DENND1A: variants seen among roughly 807,000 people sequenced by gnomAD.
The protein encoded by DENND1A is DENN domain containing 1A, also known as DENN domain-containing protein 1A.
DENND1A carries 51 observed loss-of-function variants against 113.7 expected under a neutral mutation model. The observed-to-expected ratio is 0.45, with a 90% CI of 0.36 to 0.57. The LOEUF (loss-of-function observed/expected upper bound fraction) is 0.57, where lower values mean the gene tolerates loss of function less well. Among genes scored for constraint, DENND1A ranks in the 20% least tolerant of loss-of-function variants. The pLI is 0.00. For synonymous variants in DENND1A, 565 were observed against 570.8 expected (o/e 0.99, Z 0.14); for missense variants, 1,258 against 1,395.9 (o/e 0.90, Z 1.57).
intron 12 of DENND1A, among the ~76,000 whole-genome samples, chr9:123,575,698 G>T (rs1356508756): frequency 1.3e-5 from 2 of 152,182 alleles, no homozygotes; most frequent in Non-Finnish European, 2.9e-5. Context: ...CCAAGTAGGG[G>T]CAAGGGGCGA....
intron 2 of DENND1A, among the ~76,000 whole-genome samples, chr9:123,835,701 T>G (rs1225145774): frequency 6.6e-6 from 1 of 150,390 alleles, no homozygotes; most frequent in Non-Finnish European, 1.5e-5. Context: ...ACCTTTCTAC[T>G]GCAAAAACTC....
intron 1 of DENND1A, among the ~76,000 whole-genome samples, chr9:123,927,236 G>A (rs962641980): frequency 5.3e-5 from 8 of 152,260 alleles, no homozygotes; most frequent in East Asian, 1.9e-4. Flanking sequence ...AGCAACTCAC[G>A]TGCTTTACCA....
chr9:123,658,089 C>T (rs1489588382), intron 8 of DENND1A, among the ~76,000 whole-genome samples: 1 of 152,114 alleles, frequency 6.6e-6, no homozygotes, highest in African/African-American at 2.4e-5. Flanking sequence ...ATGATGAGTT[C>T]ATAAATCTTT....
chr9:123,926,163 T>C (rs1857051320), intron 1 of DENND1A, among the ~76,000 whole-genome samples: 1 of 152,256 alleles, frequency 6.6e-6, no homozygotes, highest in South Asian at 2.1e-4. Flanking sequence ...TAAATGTCCA[T>C]ACAGATGTAA....
chr9:123,888,094 C>T (rs1476160920), intron 1 of DENND1A, among the ~76,000 whole-genome samples: 1 of 152,176 alleles, frequency 6.6e-6, no homozygotes. Context: ...ATACAATTCT[C>T]CTCTAAAAGG....
At chr9:123,714,286 C>G (rs1480071321) in intron 5 of DENND1A, among the ~76,000 whole-genome samples, 1 of 152,192 alleles carries the variant, frequency 6.6e-6, no homozygotes, top group African/African-American at 2.4e-5. Context: ...ACCTTGTCTA[C>G]CATCATGTTG....
At chr9:123,607,545 AGAGTGT>A (rs758042066) in intron 11 of DENND1A, among the ~76,000 whole-genome samples, 180 of 105,966 alleles carry the variant, frequency 1.7e-3, no homozygotes, top group East Asian at 0.012. Flanking sequence ...AGAGAGAGAG[AGAGTGT>A]GTGTGTGTGT....
chr9:123,394,953 C>T (rs2043038876), intron 21 of DENND1A, among the ~76,000 whole-genome samples: 1 of 152,252 alleles, frequency 6.6e-6, no homozygotes, highest in South Asian at 2.1e-4. Context: ...GGTGCACATC[C>T]TGGACTGAGG....
At chr9:123,919,516 T>G (rs567877946) in intron 1 of DENND1A, among the ~76,000 whole-genome samples, 29 of 151,662 alleles carry the variant, frequency 1.9e-4, no homozygotes, top group African/African-American at 6.8e-4. Context: ...ACTTTTTAGG[T>G]GTGAAAATGT....
At chr9:123,398,141 C>G (rs1359189745) in intron 21 of DENND1A, among the ~76,000 whole-genome samples, 1 of 152,218 alleles carries the variant, frequency 6.6e-6, no homozygotes, top group Non-Finnish European at 1.5e-5. Context: ...TGGCAGATGC[C>G]TGTAATTATC....
At chr9:123,739,564 G>A (rs1051322833) in intron 5 of DENND1A, among the ~76,000 whole-genome samples, 2 of 152,100 alleles carry the variant, frequency 1.3e-5, no homozygotes, top group African/African-American at 4.8e-5. Flanking sequence ...ACTTGCAGCT[G>A]AAAGTTATCT....
chr9:123,808,384 CTT>C (rs777273959), intron 2 of DENND1A, among the ~76,000 whole-genome samples: 30 of 136,620 alleles, frequency 2.2e-4, no homozygotes, highest in Middle Eastern at 3.7e-3. Flanking sequence ...CAATAATTTG[CTT>C]TTTTTTTTTT....
intron 5 of DENND1A, among the ~76,000 whole-genome samples, chr9:123,700,557 T>G (rs935748188): frequency 6.6e-6 from 1 of 152,190 alleles, no homozygotes; most frequent in African/African-American, 2.4e-5. Flanking sequence ...TCAGGAAGGA[T>G]TTTTAAATTA....
At chr9:123,671,553 G>A (rs1471958829) in intron 6 of DENND1A, among the ~76,000 whole-genome samples, 182 bp from the exon 7 acceptor site, 1 of 152,090 alleles carries the variant, frequency 6.6e-6, no homozygotes, top group Non-Finnish European at 1.5e-5. Flanking sequence ...AACATAAAGA[G>A]CCAAATAGAT....
chr9:123,466,992 A>G (rs1241888575), intron 13 of DENND1A, among the ~76,000 whole-genome samples: 1 of 152,154 alleles, frequency 6.6e-6, no homozygotes, highest in Non-Finnish European at 1.5e-5. Context: ...TCAAGCCTGC[A>G]GTGAGCCGTG....
intron 21 of DENND1A, among the ~76,000 whole-genome samples, chr9:123,396,152 CCACGCGCT>C (rs1307452977): frequency 6.6e-6 from 1 of 152,054 alleles, no homozygotes; most frequent in African/African-American, 2.4e-5. Context: ...AGGAGGGAGG[CCACGCGCT>C]CTGCTCACTC....
At chr9:123,632,136 C>A (rs2061502205) in intron 9 of DENND1A, among the ~76,000 whole-genome samples, 2 of 152,154 alleles carry the variant, frequency 1.3e-5, no homozygotes, top group South Asian at 4.1e-4. Context: ...ATTGGATATT[C>A]TGCTGATGTT....
intron 13 of DENND1A, among the ~76,000 whole-genome samples, chr9:123,533,826 G>A (rs764783340): frequency 2.4e-4 from 36 of 152,158 alleles, no homozygotes; most frequent in Non-Finnish European, 4.0e-4. Flanking sequence ...GAATGTTTAC[G>A]TACATTCAAG....
chr9:123,862,325 G>A (rs764421614), intron 2 of DENND1A, among the ~76,000 whole-genome samples: 3 of 152,230 alleles, frequency 2.0e-5, no homozygotes, highest in African/African-American at 2.4e-5. Flanking sequence ...TCCTGAGTCC[G>A]GAACACAGCT....
Sources: gnomAD v4.1 joint callset for allele counts (sites outside exome capture counted in the v4.1 genomes callset) on GRCh38, gnomAD v4.1.1 for gene constraint, MANE v1.5 for transcripts, NCBI Gene and HGNC (gene_info 2026-07-23, HGNC 2026-07-21) for gene names.